The following ECI1 variants were observed in gnomAD, a reference collection of about 807,000 sequenced individuals.
ECI1 encodes the protein enoyl-CoA delta isomerase 1, mitochondrial.
ECI1 carries 34 observed loss-of-function variants against 34.2 expected under a neutral mutation model. The ratio of observed to expected loss-of-function variants is 1.00; its 90% CI spans 0.76 to 1.33. ECI1 has a LOEUF of 1.33. Among genes scored for constraint, ECI1 ranks in the 40% most tolerant of loss-of-function variants. The pLI, the probability that ECI1 is intolerant of heterozygous loss-of-function variation, is 0.00. For synonymous variants in ECI1, 211 were observed against 193.0 expected, an observed-to-expected ratio of 1.09 and a Z score of -0.77; for missense variants, 456 against 422.2, an observed-to-expected ratio of 1.08 and a Z score of -0.70.
rs556238490 is a variant in ECI1, at chr16:2,239,863, G to A, written c.*116C>T. 4.3e-6 allele frequency: 5 copies of A among 1,171,146 alleles called. 1 individual carries two copies. The highest frequency in any genetic ancestry group is 2.5e-5 in the South Asian group (2 of 80,544). The allele number at this position is 1,171,146 out of a possible 1,614,324, so 72.5% of individuals were successfully genotyped here. The stretch of plus-strand genomic sequence containing the variant: ...GGCTATGAGGAACAGGAACTTCTAC[G>A]TAACATCAGCAAAATGAAACGCTGG... On this transcript the variant is annotated 3_prime_UTR_variant, in exon 7 of 7. Coordinates refer to ENST00000301729, the MANE Select transcript of ECI1 (RefSeq NM_001919.4).
chr16:2,243,029 C>CT lies in ECI1; in HGVS notation c.742+16_742+17insA. The CT allele has an allele frequency of 6.3e-7, 1 of 1,596,512 alleles. No homozygotes were observed. Among genetic ancestry groups the CT allele is most frequent in the Non-Finnish European group, 8.5e-7 (1 of 1,175,878 alleles). On this transcript the variant is annotated intron_variant, in intron 6 of 6. Transcript: ENST00000301729. ...CTCCCCAGCATCATCGGGCGCCCGC[C>CT]ATGCCCCGTGCCTCACCTGGAATGG...
At chr16:2,242,258 G>A (rs1795585660) in intron 6 of ECI1, among the ~76,000 whole-genome samples, 1 of 152,172 alleles carries the variant, frequency 6.6e-6, no homozygotes, top group African/African-American at 2.4e-5. Flanking sequence ...CTCCCAAAGT[G>A]CTGAGATTAC....
At chr16:2,247,501 G>A (rs982186639) in intron 2 of ECI1, among the ~76,000 whole-genome samples, 2 of 151,882 alleles carry the variant, frequency 1.3e-5, no homozygotes, top group Non-Finnish European at 2.9e-5. Flanking sequence ...GGGTTCAAGC[G>A]ATTCGACTGC....
rs1270610401 is a variant in ECI1 at position 2,251,379 on chromosome 16, C to T, written c.103G>A (p.Gly35Ser). ...ALGRTERAAGGGDGARRFGSQ... is the reference protein window; with the variant it reads ...ALGRTERAAGSGDGARRFGSQ... ...CCGAAGCGCCGCGCGCCGTCTCCGC[C>T]GCCGGCCGCCCGCTCCGTCCGCCCG... Residue 35 changes from glycine to serine, a missense_variant, in exon 2 of 7, where the codon GGC becomes AGC. Gly to Ser is a moderately conservative substitution (Grantham distance 56). Coordinates refer to ENST00000301729, the MANE Select transcript of ECI1 (RefSeq NM_001919.4). The T allele has an allele frequency of 7.2e-6, 9 of 1,251,764 alleles. No homozygotes were observed. In the East Asian group the frequency reaches 1.7e-4, roughly 23 times the overall value. 77.5% of individuals were successfully genotyped at this position (1,251,764 alleles called of 1,614,324 possible).
chr16:2,244,174 C>T lies in ECI1; in HGVS notation c.441+232G>A, dbSNP rs538217005. ...AACCCCAGGCCCTGGTCCCTACCCACTGGCTCTTTTCTGGGTCTTGTCTGA... is the reference window on the plus strand; with the variant it reads ...AACCCCAGGCCCTGGTCCCTACCCATTGGCTCTTTTCTGGGTCTTGTCTGA... On this transcript the variant is annotated intron_variant, in intron 4 of 6. Transcript: ENST00000301729. 8.3e-5 allele frequency: 49 copies of T among 593,044 alleles called. 1 individual carries two copies. The South Asian group carries it at 9.5e-4, about 12-fold the overall frequency. 36.7% of individuals were successfully genotyped at this position (593,044 alleles called of 1,614,324 possible).
intron 3 of ECI1, among the ~76,000 whole-genome samples, chr16:2,245,052 G>T (rs560155849): frequency 6.6e-6 from 1 of 152,182 alleles, no homozygotes; most frequent in Non-Finnish European, 1.5e-5. Flanking sequence ...CGAGGGGTGA[G>T]CACAGGTGGA....
chr16:2,239,933 G>A lies in ECI1; in HGVS notation c.*46C>T. The A allele has an allele frequency of 6.3e-7, 1 of 1,599,294 alleles. No homozygotes were observed. ...AATACCTTGTTTAAGACCTCCCTGG[G>A]ACCCACAGGGGCACGTGTGGCCGTA... On this transcript the variant is annotated 3_prime_UTR_variant, in exon 7 of 7. Coordinates refer to ENST00000301729, the MANE Select transcript of ECI1 (RefSeq NM_001919.4).
intron 3 of ECI1, among the ~76,000 whole-genome samples, chr16:2,246,636 G>C (rs1368682906): frequency 6.6e-6 from 1 of 152,222 alleles, no homozygotes; most frequent in African/African-American, 2.4e-5. Flanking sequence ...GGAATGATCT[G>C]CTTGAGGCCC....
intron 2 of ECI1, among the ~76,000 whole-genome samples, chr16:2,250,909 C>A (rs1167308115): frequency 6.7e-6 from 1 of 149,556 alleles, no homozygotes; most frequent in African/African-American, 2.4e-5. Context: ...GCAGCCTCCA[C>A]CTCCCAGATT....
intron 3 of ECI1, 21 bp downstream of exon 3, chr16:2,246,838 G>A: frequency 1.9e-6 from 3 of 1,611,764 alleles, no homozygotes; most frequent in Non-Finnish European, 2.5e-6. Context: ...GGCTGGGGTA[G>A]GGAGCTGAAC....
intron 6 of ECI1, chr16:2,241,726 C>G (rs2093528540): frequency 6.6e-6 from 1 of 152,158 alleles, no homozygotes; most frequent in Non-Finnish European, 1.5e-5. Context: ...GAGTCTCACT[C>G]TGTCACCCAG....
At chr16:2,247,296 C>T (rs537522433) in intron 2 of ECI1, among the ~76,000 whole-genome samples, 3 of 152,052 alleles carry the variant, frequency 2.0e-5, no homozygotes, top group East Asian at 1.9e-4. Context: ...AGGGTTTCAC[C>T]GTGTTAGCCA....
intron 6 of ECI1, 61 bp from the exon 7 acceptor site, chr16:2,240,206 A>G (rs923901964): frequency 2.6e-6 from 4 of 1,564,490 alleles, no homozygotes; most frequent in Admixed American, 1.7e-5. Context: ...GTGATTCCCA[A>G]CTTATTTTTT....
At chr16:2,249,523 G>T (rs138414913) in intron 2 of ECI1, among the ~76,000 whole-genome samples, 1 of 151,928 alleles carries the variant, frequency 6.6e-6, no homozygotes, top group Non-Finnish European at 1.5e-5. Context: ...AAAAGGAAAA[G>T]TGTTCGTACA....
At chr16:2,245,044 AG>A (rs993992449) in intron 3 of ECI1, among the ~76,000 whole-genome samples, 1 of 152,096 alleles carries the variant, frequency 6.6e-6, no homozygotes, top group African/African-American at 2.4e-5. Flanking sequence ...AGGAAGGGCG[AG>A]GGGTGAGCAC....
chr16:2,243,884 G>A (rs1178589977), intron 4 of ECI1, among the ~76,000 whole-genome samples: 1 of 152,148 alleles, frequency 6.6e-6, no homozygotes, highest in Non-Finnish European at 1.5e-5. Context: ...GTCACTGCAG[G>A]TACCCACTGC....
intron 4 of ECI1, 101 bp downstream of exon 4, chr16:2,244,305 C>G (rs1204025008): frequency 7.2e-7 from 1 of 1,396,650 alleles, no homozygotes; most frequent in Non-Finnish European, 1.0e-6. Flanking sequence ...CAACCGTCCC[C>G]TTCCCCTGTG....
At chr16:2,250,819 T>TTTTA (rs958561925) in intron 2 of ECI1, among the ~76,000 whole-genome samples, 11 of 152,134 alleles carry the variant, frequency 7.2e-5, no homozygotes, top group Non-Finnish European at 1.2e-4. Flanking sequence ...CCAACTTTAT[T>TTTTA]TTTATTTATT....
chr16:2,244,597 C>A, intron 3 of ECI1, 45 bp from the exon 4 acceptor site: 1 of 1,553,388 alleles, frequency 6.4e-7, no homozygotes, highest in Non-Finnish European at 8.7e-7. Context: ...GTCCACCTCC[C>A]AGCTGGCATC....
Sources: allele counts gnomAD v4.1 joint callset (sites outside exome capture counted in the v4.1 genomes callset), GRCh38; gene constraint gnomAD v4.1.1; transcripts MANE v1.5; gene names NCBI Gene and HGNC (gene_info 2026-07-23, HGNC 2026-07-21).